The following TMEM74 variants were observed in gnomAD, a reference collection of about 807,000 sequenced individuals.
TMEM74 encodes transmembrane protein 74.
TMEM74 carries 13 observed loss-of-function variants against 18.1 expected under a neutral mutation model. The observed-to-expected ratio is 0.72, with a 90% confidence interval of 0.47 to 1.14. The LOEUF (loss-of-function observed/expected upper bound fraction) is 1.14. Among genes scored for constraint, TMEM74 ranks in the 50% most tolerant of loss-of-function variants. The probability of loss-of-function intolerance (pLI) is 0.00; values close to 1 mark genes in which losing one functional copy is unlikely to be tolerated. For synonymous variants in TMEM74, 159 were observed against 146.6 expected (o/e 1.08, Z -0.61); for missense variants, 372 against 375.9 (o/e 0.99, Z 0.09).
At chr8:108,677,732 A>G (rs1813068854) in intron 1 of TMEM74, among the ~76,000 whole-genome samples, 1 of 152,154 alleles carries the variant, frequency 6.6e-6, no homozygotes, top group South Asian at 2.1e-4. Context: ...TTTTACTGCA[A>G]AATCCATCTT....
chr8:108,704,072 G>C (rs1813365324), intron 1 of TMEM74, among the ~76,000 whole-genome samples: 1 of 152,194 alleles, frequency 6.6e-6, no homozygotes, highest in Admixed American at 6.5e-5. Flanking sequence ...GGTTAGAAAA[G>C]ACTTTAGTTA....
intron 1 of TMEM74, among the ~76,000 whole-genome samples, chr8:108,672,757 CA>C (rs996834532): frequency 1.3e-5 from 2 of 152,204 alleles, no homozygotes; most frequent in African/African-American, 4.8e-5. Context: ...GATCAACCAA[CA>C]AGGGTCCTTC....
intron 1 of TMEM74, among the ~76,000 whole-genome samples, chr8:108,694,158 A>C (rs949250924): frequency 1.3e-5 from 2 of 152,234 alleles, no homozygotes; most frequent in African/African-American, 4.8e-5. Flanking sequence ...AACTCGTGTC[A>C]TGTGAAATTG....
chr8:108,706,174 A>AT (rs1240167944), intron 1 of TMEM74, among the ~76,000 whole-genome samples: 1 of 152,108 alleles, frequency 6.6e-6, no homozygotes, highest in Admixed American at 6.6e-5. Context: ...AATATTTGCT[A>AT]TTTTTTTCTA....
intron 1 of TMEM74, among the ~76,000 whole-genome samples, chr8:108,719,686 T>A (rs1239026787): frequency 6.6e-6 from 1 of 152,168 alleles, no homozygotes; most frequent in Non-Finnish European, 1.5e-5. Context: ...ATTGGCAGGC[T>A]ACTTTGAGAG....
At chr8:108,644,897 T>C (rs1322998974) in intron 2 of TMEM74, among the ~76,000 whole-genome samples, 2 of 152,170 alleles carry the variant, frequency 1.3e-5, no homozygotes, top group African/African-American at 2.4e-5. Flanking sequence ...TTACATATTA[T>C]TAGTGAGAGT....
At chr8:108,651,231 A>C (rs1812771752) in intron 2 of TMEM74, among the ~76,000 whole-genome samples, 1 of 152,220 alleles carries the variant, frequency 6.6e-6, no homozygotes, top group Non-Finnish European at 1.5e-5. Context: ...GCTGGAATAT[A>C]GTAGAACTTC....
At chr8:108,669,294 T>G (rs1812979311) in intron 1 of TMEM74, among the ~76,000 whole-genome samples, 1 of 152,156 alleles carries the variant, frequency 6.6e-6, no homozygotes, top group Admixed American at 6.6e-5. Flanking sequence ...AGGCTGGGGT[T>G]GCAGCCTGCT....
chr8:108,749,072 A>G (rs3019366), intron 1 of TMEM74, among the ~76,000 whole-genome samples: 59,922 of 151,946 alleles, frequency 0.39, 12,416 homozygotes, highest in African/African-American at 0.52. Context: ...GAAGTCAGGT[A>G]GTGTGACACC....
chr8:108,672,516 C>T (rs1813013634), intron 1 of TMEM74, among the ~76,000 whole-genome samples: 1 of 152,096 alleles, frequency 6.6e-6, no homozygotes, highest in South Asian at 2.1e-4. Flanking sequence ...GTTGTGGGGA[C>T]CAGCACAGCT....
intron 1 of TMEM74, among the ~76,000 whole-genome samples, chr8:108,689,708 C>T (rs1315234595): frequency 6.6e-6 from 1 of 152,172 alleles, no homozygotes; most frequent in African/African-American, 2.4e-5. Context: ...GTGCGACCAA[C>T]ACATATGGCT....
At chr8:108,613,482 A>T (rs1336988561) in intron 2 of TMEM74, among the ~76,000 whole-genome samples, 1 of 152,228 alleles carries the variant, frequency 6.6e-6, no homozygotes, top group African/African-American at 2.4e-5. Context: ...TTTAACTTGG[A>T]ACTATGATAA....
chr8:108,683,027 T>C (rs1023315194), intron 1 of TMEM74, among the ~76,000 whole-genome samples: 12 of 151,808 alleles, frequency 7.9e-5, no homozygotes, highest in Non-Finnish European at 1.8e-4. Context: ...TTTTGACAGA[T>C]GGTAAAAATA....
downstream of TMEM74, among the ~76,000 whole-genome samples, chr8:108,777,909 T>C (rs991113017): frequency 6.6e-6 from 1 of 152,184 alleles, no homozygotes; most frequent in African/African-American, 2.4e-5. Context: ...GGACAAATGT[T>C]GGCTTAATCT....
Position 108,646,508 on chromosome 8 carries a change from A to G in TMEM74, n.264+8785T>C, listed in dbSNP as rs564869252. Among the ~76,000 whole-genome samples the G allele has an allele frequency of 6.7e-4, 102 of 152,254 alleles. 1 individual carries two copies. The highest frequency in any genetic ancestry group is 1.3e-3 in the Non-Finnish European group (89 of 68,014). On this transcript the variant is annotated intron_variant and non_coding_transcript_variant, in intron 2 of 3. Coordinates refer to the TMEM74 transcript ENST00000518838. The stretch of plus-strand genomic sequence containing the variant: ...AGGCTGTAGCCAATTTGCATGGGTG[A>G]GTTCATGAATAAGTTCCAAATAGAC...
intron 1 of TMEM74, among the ~76,000 whole-genome samples, chr8:108,762,345 C>T (rs1231104732): frequency 6.6e-6 from 1 of 152,092 alleles, no homozygotes; most frequent in East Asian, 1.9e-4. Flanking sequence ...CTCTTAAGGA[C>T]AAATAGCTGA....
chr8:108,666,135 A>G (rs1415565492), intron 1 of TMEM74, among the ~76,000 whole-genome samples: 1 of 152,206 alleles, frequency 6.6e-6, no homozygotes, highest in Non-Finnish European at 1.5e-5. Context: ...TTTGGACTGA[A>G]TGAATCCAAA....
At chr8:108,618,283 G>C (rs2130540271) in intron 2 of TMEM74, among the ~76,000 whole-genome samples, 1 of 152,270 alleles carries the variant, frequency 6.6e-6, no homozygotes, top group South Asian at 2.1e-4. Flanking sequence ...TGGGCAAAAA[G>C]GGTTTTGTTG....
In TMEM74 at chr8:108,756,599, A is replaced by AGAGAAAGG. The variant is rs1586286215; in HGVS notation, n.119+30876_119+30877insCCTTTCTC. Among the ~76,000 whole-genome samples, 17 of 51,554 alleles carry AGAGAAAGG rather than the reference A, an allele frequency of 3.3e-4. No homozygotes were observed. The East Asian group carries it at 9.7e-3, about 30-fold the overall frequency. 33.8% of individuals were successfully genotyped at this position (51,554 alleles called of 152,430 possible). A position where few individuals can be genotyped will look rare whatever the true frequency, so the allele number is the denominator to read the frequency against. On this transcript the variant is annotated intron_variant and non_coding_transcript_variant, in intron 1 of 3. Coordinates refer to the TMEM74 transcript ENST00000518838. ...AAGAAAGAAAGAAAGAAAGAAAGAG[A>AGAGAAAGG]AAGGAAGGAAGGAAGGAAGGAAGGA...
Sources: gnomAD v4.1 joint callset for allele counts (sites outside exome capture counted in the v4.1 genomes callset) on GRCh38, gnomAD v4.1.1 for gene constraint, MANE v1.5 for transcripts, NCBI Gene and HGNC (gene_info 2026-07-23, HGNC 2026-07-21) for gene names.